The following RALB variants were observed in gnomAD, a reference collection of about 807,000 sequenced individuals.
The protein encoded by RALB is RAS like proto-oncogene B.
Under a neutral mutation model 21.3 loss-of-function variants are expected in RALB, and 16 were observed. The ratio of observed to expected loss-of-function variants is 0.75; its 90% CI spans 0.51 to 1.14. RALB has a LOEUF of 1.14. Ranked by LOEUF, RALB falls within the 50% of genes most tolerant of loss-of-function variation. The pLI, the probability that RALB is intolerant of heterozygous loss-of-function variation, is 0.00. For synonymous variants in RALB, 93 were observed against 96.1 expected (o/e 0.97, Z 0.19); for missense variants, 161 against 256.2 (o/e 0.63, Z 2.54).
At position 120,288,197 on chromosome 2, in the gene RALB, C is replaced by T. The variant is rs112738753; in HGVS notation, c.324-1383C>T. On this transcript the variant is annotated intron_variant, in intron 3 of 4. Coordinates refer to ENST00000272519, the MANE Select transcript of RALB (RefSeq NM_002881.3). ...ATAGTTTATAATGATCACATGACTT[C>T]AAATGTATCATGTTCTTTGACCCCA... is the stretch of plus-strand genomic sequence containing the variant. Among the ~76,000 whole-genome samples, 1,368 of 152,244 alleles carry T rather than the reference C, an allele frequency of 9.0e-3. 25 individuals are homozygous for T. The highest frequency in any genetic ancestry group is 0.03 in the African/African-American group (1,255 of 41,518).
chr2:120,245,204 A>G (rs1037356430), intron 1 of RALB, among the ~76,000 whole-genome samples: 1 of 152,256 alleles, frequency 6.6e-6, no homozygotes, highest in African/African-American at 2.4e-5. Context: ...GAGGTCACAC[A>G]GCTTTGCAGC....
intron 1 of RALB, 59 bp from the exon 2 acceptor site, chr2:120,278,559 T>G: frequency 7.5e-7 from 1 of 1,337,176 alleles, no homozygotes; most frequent in Non-Finnish European, 9.7e-7. Context: ...TGAATGACAT[T>G]TGGTTTTAGC....
At chr2:120,285,839 AC>A (rs765958094) in intron 2 of RALB, 34 bp from the exon 3 acceptor site, 254 of 1,582,650 alleles carry the variant, frequency 1.6e-4, no homozygotes, top group Admixed American at 8.4e-5. Context: ...TCCCCTTAAG[AC>A]TTTGTTAATT....
chr2:120,252,667 C>A, upstream of RALB: 1 of 533,648 alleles, frequency 1.9e-6, no homozygotes, highest in Non-Finnish European at 2.4e-6. Context: ...CCCCCCGTGC[C>A]TGGGGCAGCT....
In RALB at chr2:120,277,665, G is replaced by T. The variant is rs1207592646; in HGVS notation, c.-47-953G>T. Among the ~76,000 whole-genome samples, 9 of 143,590 alleles carry T rather than the reference G, an allele frequency of 6.3e-5. No homozygotes were observed. In the East Asian group the frequency reaches 1.6e-3, roughly 25 times the overall value. 94.2% of individuals were successfully genotyped at this position (143,590 alleles called of 152,430 possible). A position where few individuals can be genotyped will look rare whatever the true frequency, so the allele number is the denominator to read the frequency against. On this transcript the variant is annotated intron_variant, in intron 1 of 4. Transcript: ENST00000272519. ...GCACAAATTTGAAAGTGTTGTGAGA[G>T]CGTTGTGAACGTGTTATGAGTGAAA...
intron 1 of RALB, 120 bp from the exon 2 acceptor site, chr2:120,278,498 G>C (rs1015650309): frequency 1.0e-6 from 1 of 991,774 alleles, no homozygotes; most frequent in Non-Finnish European, 1.4e-6. Context: ...AGCCTGAAAG[G>C]ATTACTTTCC....
At chr2:120,279,657 A>C (rs3860373) in intron 2 of RALB, among the ~76,000 whole-genome samples, 105,850 of 152,006 alleles carry the variant, frequency 0.7, 37,454 homozygotes, top group Middle Eastern at 0.8. Flanking sequence ...GGTGGGGGTC[A>C]TGGAACCATT....
upstream of RALB, among the ~76,000 whole-genome samples, chr2:120,249,999 T>C (rs536244054): frequency 1.3e-5 from 2 of 152,334 alleles, no homozygotes; most frequent in East Asian, 3.9e-4. Flanking sequence ...ACCCCCATCT[T>C]TTGCTAAGAT....
intron 1 of RALB, among the ~76,000 whole-genome samples, chr2:120,245,007 C>T (rs970940300): frequency 1.1e-4 from 16 of 152,244 alleles, no homozygotes; most frequent in Non-Finnish European, 7.3e-5. Context: ...CTGTCTCTTT[C>T]GTCAGCCCTG....
At chr2:120,278,954 T>C (rs1381437729) in intron 2 of RALB, among the ~76,000 whole-genome samples, 176 bp downstream of exon 2, 1 of 152,232 alleles carries the variant, frequency 6.6e-6, no homozygotes, top group East Asian at 1.9e-4. Context: ...TCTGGATTGC[T>C]GATTCTAGGT....
chr2:120,253,164 A>T, intron 1 of RALB, 184 bp downstream of exon 1: 1 of 364,176 alleles, frequency 2.7e-6, no homozygotes, highest in Non-Finnish European at 3.8e-6. Context: ...CCGCTCCGGG[A>T]GGACTCCCTG....
chr2:120,273,684 G>A (rs77584876), intron 1 of RALB, among the ~76,000 whole-genome samples: 12,138 of 152,246 alleles, frequency 0.08, 648 homozygotes, highest in Non-Finnish European at 0.12. Flanking sequence ...AAGAGAAGAC[G>A]CCGACCTGTA....
At chr2:120,287,359 A>G (rs983853034) in intron 3 of RALB, among the ~76,000 whole-genome samples, 1 of 152,224 alleles carries the variant, frequency 6.6e-6, no homozygotes, top group Admixed American at 6.5e-5. Context: ...TGGTGCAGTG[A>G]CTAGTTAAGT....
chr2:120,260,043 G>A (rs1032018053), intron 1 of RALB, among the ~76,000 whole-genome samples: 5 of 152,204 alleles, frequency 3.3e-5, no homozygotes, highest in African/African-American at 4.8e-5. Context: ...TGGCTGCTCC[G>A]AGTGCGGGGC....
rs181768457 is a variant in RALB at position 120,277,795 on chromosome 2, T to G, written c.-47-823T>G. 9.5e-5 allele frequency among the ~76,000 whole-genome samples: 14 copies of G among 147,692 alleles called. 1 individual carries two copies. The East Asian group carries it at 2.5e-3, about 27-fold the overall frequency. On this transcript the variant is annotated intron_variant, in intron 1 of 4. Coordinates refer to ENST00000272519, the MANE Select transcript of RALB (RefSeq NM_002881.3). ...TGTGCTAGCATGTGTGAGCCTGTGATAGTGTGTGAGAGCGTGTGAGAGCAA... is the reference window on the plus strand; with the variant it reads ...TGTGCTAGCATGTGTGAGCCTGTGAGAGTGTGTGAGAGCGTGTGAGAGCAA...
intron 1 of RALB, among the ~76,000 whole-genome samples, chr2:120,268,985 G>C (rs1042412455): frequency 1.3e-5 from 2 of 152,116 alleles, no homozygotes; most frequent in Non-Finnish European, 2.9e-5. Flanking sequence ...GCACGTTTCT[G>C]ATAGAATTTG....
chr2:120,279,313 A>G (rs1174175754), intron 2 of RALB, among the ~76,000 whole-genome samples: 1 of 152,160 alleles, frequency 6.6e-6, no homozygotes, highest in Non-Finnish European at 1.5e-5. Flanking sequence ...GTGACAACAC[A>G]GCCTTGATCC....
intron 1 of RALB, among the ~76,000 whole-genome samples, chr2:120,246,272 T>C (rs932464443): frequency 3.3e-4 from 51 of 152,264 alleles, no homozygotes; most frequent in African/African-American, 1.2e-3. Context: ...CTGCCCCTCC[T>C]GAGGGCTGGA....
chr2:120,240,508 C>T (rs1236188983), intron 1 of RALB, among the ~76,000 whole-genome samples: 1 of 152,040 alleles, frequency 6.6e-6, no homozygotes, highest in Non-Finnish European at 1.5e-5. Flanking sequence ...CCATGTTGCT[C>T]AGGCTGGTCT....
Sources: gnomAD v4.1 joint callset for allele counts (sites outside exome capture counted in the v4.1 genomes callset) on GRCh38, gnomAD v4.1.1 for gene constraint, MANE v1.5 for transcripts, NCBI Gene and HGNC (gene_info 2026-07-23, HGNC 2026-07-21) for gene names.